IL23R: variants seen among roughly 807,000 people sequenced by gnomAD.
IL23R encodes the protein interleukin 23 receptor.
Under a neutral mutation model 56.9 loss-of-function variants are expected in IL23R, and 34 were observed. The ratio of observed to expected loss-of-function variants is 0.60; its 90% confidence interval spans 0.45 to 0.80. IL23R has a LOEUF of 0.80. IL23R is among the 30% of genes least tolerant of loss of function. IL23R has a pLI of 0.00. For missense variants in IL23R, 635 were observed against 730.0 expected (o/e 0.87, Z 1.50); for synonymous variants, 230 against 249.2 (o/e 0.92, Z 0.73).
At chr1:67,154,992 C>T (rs767777735) in intron 1 of IL23R, among the ~76,000 whole-genome samples, 9 of 152,076 alleles carry the variant, frequency 5.9e-5, no homozygotes, top group African/African-American at 9.7e-5. Context: ...CTGGTGTTAA[C>T]GAAATTCCTT....
intron 7 of IL23R, among the ~76,000 whole-genome samples, chr1:67,231,203 A>G (rs1651081639): frequency 6.6e-6 from 1 of 152,198 alleles, no homozygotes; most frequent in Admixed American, 6.5e-5. Flanking sequence ...GCGCAAAAGT[A>G]AATAAAGAAA....
At chr1:67,204,119 A>G (rs1274917637) in intron 5 of IL23R, among the ~76,000 whole-genome samples, 1 of 152,034 alleles carries the variant, frequency 6.6e-6, no homozygotes, top group Non-Finnish European at 1.5e-5. Flanking sequence ...GCTGGAGTGC[A>G]GTGGCGCGAT....
At position 67,212,801 on chromosome 1, in the gene IL23R, C is replaced by T. The variant is rs142365889; in HGVS notation, c.798+5746C>T. ...AACTGCTGAGCTCAAGCAACCATCC[C>T]GCCTCAGCCTCCCAAAGTGCTGGTA... On this transcript the variant is annotated intron_variant, in intron 6 of 10. Transcript: ENST00000347310. Among the ~76,000 whole-genome samples the T allele has an allele frequency of 8.6e-3, 1,305 of 152,260 alleles. 20 individuals carry two copies. The highest frequency in any genetic ancestry group is 0.03 in the African/African-American group (1,248 of 41,570).
chr1:67,174,544 T>C (rs1025820962), intron 3 of IL23R, among the ~76,000 whole-genome samples: 16 of 152,172 alleles, frequency 1.1e-4, no homozygotes, highest in Admixed American at 7.2e-4. Context: ...TATGAGCCCC[T>C]ATCCTTCCAT....
At chr1:67,185,983 T>G (rs987378290) in intron 4 of IL23R, among the ~76,000 whole-genome samples, 1 of 152,208 alleles carries the variant, frequency 6.6e-6, no homozygotes, top group Non-Finnish European at 1.5e-5. Flanking sequence ...GGAGCTCACA[T>G]TACCTCTCCA....
intron 6 of IL23R, among the ~76,000 whole-genome samples, chr1:67,214,740 G>A (rs1278591300): frequency 6.6e-6 from 1 of 152,058 alleles, no homozygotes; most frequent in Non-Finnish European, 1.5e-5. Flanking sequence ...CTACTGCTAC[G>A]ATTGAGGGAA....
At chr1:67,146,450 T>C (rs944607928) in intron 1 of IL23R, among the ~76,000 whole-genome samples, 12 of 152,186 alleles carry the variant, frequency 7.9e-5, no homozygotes, top group Admixed American at 1.3e-4. Context: ...TGAAACAGCC[T>C]TTAATATTTA....
At chr1:67,182,429 C>T (rs145993324) in intron 3 of IL23R, among the ~76,000 whole-genome samples, 220 of 152,332 alleles carry the variant, frequency 1.4e-3, no homozygotes, top group African/African-American at 4.7e-3. Flanking sequence ...ATAGGACCCT[C>T]TGAGCCAGGC....
At chr1:67,215,433 C>G (rs1649770623) in intron 6 of IL23R, among the ~76,000 whole-genome samples, 1 of 152,182 alleles carries the variant, frequency 6.6e-6, no homozygotes, top group African/African-American at 2.4e-5. Flanking sequence ...ACAGGCTAGC[C>G]TGGGCATGTC....
At chr1:67,221,136 C>T (rs573191692) in intron 7 of IL23R, among the ~76,000 whole-genome samples, 27 of 152,214 alleles carry the variant, frequency 1.8e-4, no homozygotes, top group African/African-American at 4.3e-4. Context: ...GCCTGGCCAA[C>T]GTGGCAAAAT....
intron 6 of IL23R, among the ~76,000 whole-genome samples, chr1:67,217,371 G>T (rs1306671517): frequency 6.6e-6 from 1 of 152,070 alleles, no homozygotes; most frequent in Non-Finnish European, 1.5e-5. Context: ...GCAGCCACCT[G>T]GTTTGCCTCA....
intron 3 of IL23R, among the ~76,000 whole-genome samples, chr1:67,169,983 A>T (rs1204307168): frequency 1.3e-5 from 2 of 152,230 alleles, no homozygotes; most frequent in Admixed American, 1.3e-4. Flanking sequence ...CGAACACTGC[A>T]TATGTGAGGG....
At chr1:67,194,568 G>A (rs1311954542) in intron 4 of IL23R, among the ~76,000 whole-genome samples, 1 of 152,170 alleles carries the variant, frequency 6.6e-6, no homozygotes, top group Non-Finnish European at 1.5e-5. Context: ...GTGCTTTGTG[G>A]TCTAGGTGCT....
chr1:67,262,094 G>A (rs147801986), downstream of IL23R, among the ~76,000 whole-genome samples: 75 of 152,286 alleles, frequency 4.9e-4, no homozygotes, highest in Non-Finnish European at 8.5e-4. Flanking sequence ...TGCAAACTTC[G>A]CGGGGGAGAA....
chr1:67,234,527 T>C (rs78219094), intron 7 of IL23R, among the ~76,000 whole-genome samples: 5 of 152,304 alleles, frequency 3.3e-5, no homozygotes, highest in Non-Finnish European at 5.9e-5. Context: ...CTGTAGTTTA[T>C]ACAACAGAAT....
chr1:67,150,816 G>A (rs540461093), intron 1 of IL23R, among the ~76,000 whole-genome samples: 2 of 152,158 alleles, frequency 1.3e-5, no homozygotes, highest in South Asian at 4.1e-4. Flanking sequence ...AGTATTCCAT[G>A]GTGTATATGT....
intron 5 of IL23R, among the ~76,000 whole-genome samples, chr1:67,201,319 A>T (rs1005286560): frequency 6.6e-6 from 1 of 151,798 alleles, no homozygotes; most frequent in African/African-American, 2.4e-5. Context: ...GAGGCAGGAG[A>T]ATTGCTTGAA....
At chr1:67,202,879 T>C (rs1434709649) in intron 5 of IL23R, among the ~76,000 whole-genome samples, 1 of 152,192 alleles carries the variant, frequency 6.6e-6, no homozygotes, top group East Asian at 1.9e-4. Flanking sequence ...CCGGCCTGAA[T>C]ATTAGATTTG....
intron 4 of IL23R, among the ~76,000 whole-genome samples, chr1:67,190,246 C>G (rs1647641916): frequency 6.6e-6 from 1 of 152,182 alleles, no homozygotes; most frequent in African/African-American, 2.4e-5. Context: ...CCTATGGCAA[C>G]ATAGGTGCCA....
Sources: allele counts gnomAD v4.1 joint callset (sites outside exome capture counted in the v4.1 genomes callset), GRCh38; gene constraint gnomAD v4.1.1; transcripts MANE v1.5; gene names NCBI Gene and HGNC (gene_info 2026-07-23, HGNC 2026-07-21).